Variants in R3HDM4 observed in about 807,000 individuals in gnomAD.
R3HDM4 encodes the protein R3H domain containing 4.
R3HDM4 carries 30 observed loss-of-function variants against 31.3 expected under a neutral mutation model. The ratio of observed to expected loss-of-function variants is 0.96; its 90% CI spans 0.72 to 1.30. R3HDM4 has a LOEUF of 1.30. R3HDM4 is among the 50% of genes most tolerant of loss of function. The pLI, the probability that R3HDM4 is intolerant of heterozygous loss-of-function variation, is 0.00. For synonymous variants in R3HDM4, 196 were observed against 156.6 expected (o/e 1.25, Z -1.88); for missense variants, 444 against 366.1 (o/e 1.21, Z -1.74).
intron 1 of R3HDM4, among the ~76,000 whole-genome samples, chr19:912,815 G>A (rs1300358161): frequency 6.6e-6 from 1 of 151,506 alleles, no homozygotes; most frequent in East Asian, 1.9e-4. Flanking sequence ...ACGTGGATCC[G>A]GGTCCCCTCC....
At chr19:904,244 A>G (rs2036875461) in intron 1 of R3HDM4, among the ~76,000 whole-genome samples, 1 of 152,084 alleles carries the variant, frequency 6.6e-6, no homozygotes, top group South Asian at 2.1e-4. Flanking sequence ...GCTGCTTCCA[A>G]GACACGATTT....
rs541054666 is a variant in R3HDM4 at position 904,050 on chromosome 19, C to T, written c.72-1920G>A. Among the ~76,000 whole-genome samples the T allele has an allele frequency of 6.6e-5, 10 of 152,218 alleles. No homozygotes were observed. In the South Asian group the frequency reaches 2.1e-3, roughly 32 times the overall value. The stretch of plus-strand genomic sequence containing the variant: ...TGGACGACAGAGCGAGACTCTGTCT[C>T]AAAAGCCAAACAAACAAAAAACCGT... On this transcript the variant is annotated intron_variant, in intron 1 of 7. Transcript: ENST00000361574.
chr19:910,254 G>A (rs969225913), intron 1 of R3HDM4, among the ~76,000 whole-genome samples: 2 of 152,222 alleles, frequency 1.3e-5, no homozygotes, highest in South Asian at 4.1e-4. Context: ...GAACCTGGGA[G>A]GCAGAGGTTG....
chr19:904,543 C>G (rs2930888), intron 1 of R3HDM4, among the ~76,000 whole-genome samples: 31,425 of 151,938 alleles, frequency 0.21, 3,975 homozygotes, highest in African/African-American at 0.36. Flanking sequence ...ACAAGATTCA[C>G]TCGAGGCAAG....
intron 1 of R3HDM4, among the ~76,000 whole-genome samples, chr19:904,772 T>A (rs2145295206): frequency 6.6e-6 from 1 of 151,064 alleles, no homozygotes; most frequent in South Asian, 2.1e-4. Context: ...CAAGACTCTG[T>A]CTTAAAAAAG....
intron 1 of R3HDM4, among the ~76,000 whole-genome samples, chr19:904,730 C>G (rs752608891): frequency 1.3e-5 from 2 of 151,658 alleles, no homozygotes; most frequent in African/African-American, 4.8e-5. Context: ...GAGATGAGAT[C>G]GTACCACTGC....
At chr19:912,807 G>A (rs2145308415) in intron 1 of R3HDM4, among the ~76,000 whole-genome samples, 1 of 151,556 alleles carries the variant, frequency 6.6e-6, no homozygotes, top group East Asian at 1.9e-4. Flanking sequence ...AAATGGGGAC[G>A]TGGATCCGGG....
chr19:909,711 G>A (rs561533178), intron 1 of R3HDM4, among the ~76,000 whole-genome samples: 29 of 151,972 alleles, frequency 1.9e-4, no homozygotes, highest in East Asian at 3.9e-4. Context: ...CAGGAGAATC[G>A]CTTGAACCTG....
chr19:904,262 C>G (rs549589064), intron 1 of R3HDM4, among the ~76,000 whole-genome samples: 1 of 152,160 alleles, frequency 6.6e-6, no homozygotes, highest in Non-Finnish European at 1.5e-5. Flanking sequence ...TTTCCCGTCC[C>G]GCCTCGGACC....
chr19:899,266 G>A lies in R3HDM4; in HGVS notation c.703+174C>T, dbSNP rs1031509084. 3.3e-5 allele frequency among the ~76,000 whole-genome samples: 5 copies of A among 152,032 alleles called. No homozygotes were observed. Among genetic ancestry groups the A allele is most frequent in the African/African-American group, 9.7e-5 (4 of 41,386 alleles). ...GGGGCCGCATATGCAGGGAGCTTCT[G>A]GTGAATTCAAGGCAGGGTCCCACTG... is the stretch of plus-strand genomic sequence containing the variant. On this transcript the variant is annotated intron_variant, in intron 7 of 7. Coordinates refer to ENST00000361574, the MANE Select transcript of R3HDM4 (RefSeq NM_138774.4). The surrounding 1 kb of genome is among the most constrained non-coding windows in gnomAD (Gnocchi z 6.8).
intron 1 of R3HDM4, among the ~76,000 whole-genome samples, chr19:903,689 G>C (rs1388335362): frequency 3.3e-5 from 5 of 152,188 alleles, no homozygotes; most frequent in Admixed American, 2.6e-4. Flanking sequence ...TGGGGAGTTT[G>C]AGGCTGCGGT....
chr19:911,745 C>A (rs1207314960), intron 1 of R3HDM4, among the ~76,000 whole-genome samples: 1 of 152,124 alleles, frequency 6.6e-6, no homozygotes, highest in African/African-American at 2.4e-5. Context: ...GGTCCCTGTG[C>A]GGGCCGGGGT....
At chr19:897,570 G>GGAGGAATTTGGGAGCCGC (rs2036757140) in intron 7 of R3HDM4, 30 bp from the exon 8 acceptor site, 2 of 1,565,984 alleles carry the variant, frequency 1.3e-6, no homozygotes, top group African/African-American at 2.7e-5. Flanking sequence ...GGCAAGAACG[G>GGAGGAATTTGGGAGCCGC]GAGGAATTTG....
Position 905,830 on chromosome 19 carries a change from C to G in R3HDM4, c.72-3700G>C, listed in dbSNP as rs550120117. ...TCAGAACAAAAATCTCACATATGCA[C>G]AAGCACCCACCAATAGGGACCTGCA... On this transcript the variant is annotated intron_variant, in intron 1 of 7. Coordinates refer to ENST00000361574, the MANE Select transcript of R3HDM4 (RefSeq NM_138774.4). 3.3e-5 allele frequency among the ~76,000 whole-genome samples: 5 copies of G among 152,262 alleles called. No homozygotes were observed. In the South Asian group the frequency reaches 8.3e-4, roughly 25 times the overall value.
chr19:899,836 A>G lies in R3HDM4; in HGVS notation c.562-150T>C. The G allele has an allele frequency of 2.6e-6, 2 of 761,060 alleles. No homozygotes were observed. The highest frequency in any genetic ancestry group is 2.7e-5 in the East Asian group (1 of 36,930). 47.1% of individuals were successfully genotyped at this position (761,060 alleles called of 1,614,324 possible). On this transcript the variant is annotated intron_variant, in intron 5 of 7. Coordinates refer to ENST00000361574, the MANE Select transcript of R3HDM4 (RefSeq NM_138774.4). This position sits in a 1 kb window ranked among gnomAD's most constrained non-coding sequence, Gnocchi z 6.8. ...CTGCTTAAGTGTCTCTGAGGCCACC[A>G]TGCCACCTCCTGCCTGTGCCTTCCG...
chr19:899,857 T>C lies in R3HDM4; in HGVS notation c.562-171A>G, dbSNP rs978028496. On this transcript the variant is annotated intron_variant, in intron 5 of 7. Coordinates refer to ENST00000361574, the MANE Select transcript of R3HDM4 (RefSeq NM_138774.4). The surrounding 1 kb of genome is among the most constrained non-coding windows in gnomAD (Gnocchi z 6.8). ...CACCATGCCACCTCCTGCCTGTGCC[T>C]TCCGTGGAGGAAACTCCTACACACC... Among the ~76,000 whole-genome samples the C allele has an allele frequency of 6.6e-6, 1 of 152,058 alleles. No individual in the cohort carries two copies. Among genetic ancestry groups the C allele is most frequent in the Admixed American group, 6.6e-5 (1 of 15,244 alleles).
intron 1 of R3HDM4, 185 bp from the exon 2 acceptor site, chr19:902,315 A>G (rs1568340994): frequency 1.6e-6 from 1 of 634,766 alleles, no homozygotes; most frequent in East Asian, 2.8e-5. Context: ...AAGCAGATAC[A>G]ATTGTGAAGA....
intron 3 of R3HDM4, 53 bp downstream of exon 3, chr19:901,367 TAG>T (rs2036833974): frequency 1.3e-6 from 2 of 1,564,272 alleles, no homozygotes; most frequent in Admixed American, 3.6e-5. Flanking sequence ...GGCCTGGCCG[TAG>T]GAGAACTGCC....
intron 3 of R3HDM4, chr19:901,170 G>T: frequency 1.5e-6 from 1 of 675,720 alleles, no homozygotes; most frequent in Non-Finnish European, 2.4e-6. Context: ...GGGGATTGAG[G>T]TGAAACACTC....
Sources: gnomAD v4.1 joint callset for allele counts (sites outside exome capture counted in the v4.1 genomes callset) on GRCh38, gnomAD v4.1.1 for gene constraint, Gnocchi (gnomAD v3.1) non-coding constraint, MANE v1.5 for transcripts, NCBI Gene and HGNC (gene_info 2026-07-23, HGNC 2026-07-21) for gene names.